BTBD6: variants seen among roughly 807,000 people sequenced by gnomAD.
BTBD6 encodes the protein BTB domain containing 6, also known as BTB/POZ domain-containing protein 6.
Under a neutral mutation model 40.6 loss-of-function variants are expected in BTBD6, and 30 were observed. The observed-to-expected ratio is 0.74, with a 90% CI of 0.55 to 1.00. The LOEUF is 1.00. Ranked by LOEUF, BTBD6 falls within the 50% of genes least tolerant of loss-of-function variation. The pLI is 0.00. For missense variants in BTBD6, 698 were observed against 694.6 expected (o/e 1.00, Z -0.06); for synonymous variants, 378 against 308.7 (o/e 1.22, Z -2.35).
At position 105,250,734 on chromosome 14, in the gene BTBD6, GCTT is replaced by G. The variant is rs2055557487; in HGVS notation, c.*66_*68del. On this transcript the variant is annotated 3_prime_UTR_variant, in exon 4 of 4. Coordinates refer to ENST00000392554, the MANE Select transcript of BTBD6 (RefSeq NM_001387567.1). ...TGGAGGGGAAGTCAAGATGCTAACT[GCTT>G]CTTGACACCATGAAAGGCTGCTCTT... 6.7e-7 allele frequency: 1 copy of G among 1,488,930 alleles called. No homozygotes were observed. Among genetic ancestry groups the G allele is most frequent in the Non-Finnish European group, 9.1e-7 (1 of 1,094,868 alleles). 92.2% of individuals were successfully genotyped at this position (1,488,930 alleles called of 1,614,324 possible).
At position 105,250,477 on chromosome 14, in the gene BTBD6, G is replaced by A. The variant is rs146594425; in HGVS notation, c.1422G>A (p.Pro474=). 76 of 1,613,828 alleles carry A rather than the reference G, an allele frequency of 4.7e-5. No homozygotes were observed. Among genetic ancestry groups the A allele is most frequent in the Middle Eastern group, 3.3e-4 (2 of 6,084 alleles). ...SNTFPVWFEH[P]VQVEQDTFYT... ...CCTTCCCGGTCTGGTTTGAACACCC[G>A]GTCCAGGTTGAACAAGACACCTTCT... The change falls in exon 4 of 4, where the codon CCG becomes CCA. Residue 474 remains proline (P), a synonymous_variant. Transcript: ENST00000392554.
In BTBD6 at chr14:105,249,417, G is replaced by T; in HGVS notation, c.523G>T (p.Glu175Ter). 6.2e-7 allele frequency: 1 copy of T among 1,611,830 alleles called. No homozygotes were observed. The highest frequency in any genetic ancestry group is 8.5e-7 in the Non-Finnish European group (1 of 1,178,954). Residue 175 changes from glutamate (E) to a stop codon, truncating the protein, a stop_gained, in exon 3 of 4, where the codon GAA (glutamate) becomes TAA (stop). Transcript: ENST00000392554. LOFTEE classifies it high-confidence loss of function. Reference sequence around the variant, plus strand: ...TGCCATGTTCTACGGAGACCTGGCGGAAGTCAAATCTGAAATTCACATTCC... The same window carrying T: ...TGCCATGTTCTACGGAGACCTGGCGTAAGTCAAATCTGAAATTCACATTCC... Reference protein sequence around the residue: ...FYAMFYGDLAEVKSEIHIPDV... With the variant: ...FYAMFYGDLA
At position 105,249,055 on chromosome 14, in the gene BTBD6, G is replaced by T. The variant is rs953005386; in HGVS notation, c.344G>T (p.Trp115Leu). 3.1e-6 allele frequency: 4 copies of T among 1,295,550 alleles called. No individual in the cohort carries two copies. The highest frequency in any genetic ancestry group is 3.9e-6 in the Non-Finnish European group (4 of 1,031,226). 80.3% of individuals were successfully genotyped at this position (1,295,550 alleles called of 1,614,324 possible). The part of the protein sequence containing the change: ...LGNNHQESPG[W>L]RCCRPTLRER... ...AACAACCACCAGGAGAGCCCCGGCT[G>T]GCGGTGCTGCCGCCCCACGCTGCGC... is the stretch of plus-strand genomic sequence containing the variant. The change falls in exon 1 of 4, where the codon TGG becomes TTG. Residue 115 changes from tryptophan (W) to leucine (L), a missense_variant. Coordinates refer to ENST00000392554, the MANE Select transcript of BTBD6 (RefSeq NM_001387567.1).
chr14:105,248,638 C>T lies in BTBD6; in HGVS notation c.-74C>T, dbSNP rs1595378518. The T allele has an allele frequency of 5.1e-6, 5 of 979,132 alleles. No individual in the cohort carries two copies. Among genetic ancestry groups the T allele is most frequent in the Non-Finnish European group, 6.0e-6 (5 of 827,380 alleles). The allele number at this position is 979,132 out of a possible 1,614,324, so 60.7% of individuals were successfully genotyped here. A position where few individuals can be genotyped will look rare whatever the true frequency, so the allele number is the denominator to read the frequency against. ...TGGCCGGGCTGCGCTAGGCTGGGCT[C>T]GGGCAGGGTCGCAGGGGCGGGGGTG... is the stretch of plus-strand genomic sequence containing the variant. On this transcript the variant is annotated 5_prime_UTR_variant, in exon 1 of 4. Coordinates refer to ENST00000392554, the MANE Select transcript of BTBD6 (RefSeq NM_001387567.1).
chr14:105,248,873 G>A lies in BTBD6; in HGVS notation c.162G>A (p.Met54Ile). The A allele has an allele frequency of 1.0e-6, 1 of 989,388 alleles. No homozygotes were observed. Among genetic ancestry groups the A allele is most frequent in the Non-Finnish European group, 1.2e-6 (1 of 833,978 alleles). The allele number at this position is 989,388 out of a possible 1,614,324, so 61.3% of individuals were successfully genotyped here. Reference protein sequence around the residue: ...EAAPAAPPAKMAAELYAPASA... With the variant: ...EAAPAAPPAKIAAELYAPASA... ...CCCCCGCCGCCCCGCCCGCGAAGAT[G>A]GCGGCGGAACTCTACGCTCCCGCCA... is the stretch of plus-strand genomic sequence containing the variant. Residue 54 changes from methionine (M) to isoleucine (I), a missense_variant, in exon 1 of 4, where the codon ATG becomes ATA. Met to Ile is a conservative substitution (Grantham distance 10). Transcript: ENST00000392554.
rs772789271 is a variant in BTBD6 at position 105,250,480 on chromosome 14, C to T, written c.1425C>T (p.Val475=). ...NTFPVWFEHP[V]QVEQDTFYTA... ...TCCCGGTCTGGTTTGAACACCCGGT[C>T]CAGGTTGAACAAGACACCTTCTACA... The change falls in exon 4 of 4, where the codon GTC becomes GTT. Residue 475 remains valine (V), a synonymous_variant. Transcript: ENST00000392554. The T allele has an allele frequency of 1.2e-6, 2 of 1,613,984 alleles. No individual in the cohort carries two copies. The highest frequency in any genetic ancestry group is 1.1e-5 in the South Asian group (1 of 91,068).
Position 105,249,912 on chromosome 14 carries a change from A to G in BTBD6, c.857A>G (p.Glu286Gly). The G allele has an allele frequency of 6.2e-7, 1 of 1,611,402 alleles. No individual in the cohort carries two copies. Among genetic ancestry groups the G allele is most frequent in the Non-Finnish European group, 8.5e-7 (1 of 1,180,010 alleles). ...GFCEIDRQTL[E>G]IIVTREALNT... ...TGTGAGATAGACCGGCAGACGCTGG[A>G]GATCATTGTCACTCGGGAGGCCCTC... is the stretch of plus-strand genomic sequence containing the variant. The change falls in exon 4 of 4, where the codon GAG becomes GGG. Residue 286 changes from glutamate (E) to glycine (G), a missense_variant. Coordinates refer to ENST00000392554, the MANE Select transcript of BTBD6 (RefSeq NM_001387567.1).
At position 105,249,420 on chromosome 14, in the gene BTBD6, G is replaced by A; in HGVS notation, c.526G>A (p.Val176Ile). Residue 176 changes from valine to isoleucine, a missense_variant, in exon 3 of 4, where the codon GTC (valine) becomes ATC (isoleucine). Val to Ile is a conservative substitution (Grantham distance 29). Transcript: ENST00000392554. ...CATGTTCTACGGAGACCTGGCGGAA[G>A]TCAAATCTGAAATTCACATTCCAGA... ...YAMFYGDLAE[V>I]KSEIHIPDVE... is the part of the protein sequence containing the mutation. 3 of 1,613,412 alleles carry A rather than the reference G, an allele frequency of 1.9e-6. No homozygotes were observed. Among genetic ancestry groups the A allele is most frequent in the South Asian group, 1.1e-5 (1 of 91,062 alleles).
In BTBD6 at chr14:105,250,804, T is replaced by C. The variant is rs1468063568; in HGVS notation, c.*132T>C. The C allele has an allele frequency of 1.0e-5, 10 of 986,252 alleles. No individual in the cohort carries two copies. In the African/African-American group the frequency reaches 1.5e-4, roughly 15 times the overall value. The allele number at this position is 986,252 out of a possible 1,614,324, so 61.1% of individuals were successfully genotyped here. Reference sequence around the variant, plus strand: ...GACATGTAGTCAGCTGAAGCTTGACTGTGTAGAGACATTTTCCACACAGCC... The same window carrying C: ...GACATGTAGTCAGCTGAAGCTTGACCGTGTAGAGACATTTTCCACACAGCC... On this transcript the variant is annotated 3_prime_UTR_variant, in exon 4 of 4. Coordinates refer to ENST00000392554, the MANE Select transcript of BTBD6 (RefSeq NM_001387567.1).
chr14:105,249,873 G>T lies in BTBD6; in HGVS notation c.818G>T (p.Arg273Leu). ...GACGCACAGGCCGAGATGGCCCTAC[G>T]GTCCGAAGGCTTCTGTGAGATAGAC... is the stretch of plus-strand genomic sequence containing the variant. Reference protein sequence around the residue: ...VIDAQAEMALRSEGFCEIDRQ... With the variant: ...VIDAQAEMALLSEGFCEIDRQ... The change falls in exon 4 of 4, where the codon CGG becomes CTG. Residue 273 changes from arginine to leucine, a missense_variant. Arg to Leu is a moderately radical substitution (Grantham distance 102). Transcript: ENST00000392554. The T allele has an allele frequency of 1.2e-6, 2 of 1,612,154 alleles. No homozygotes were observed. Among genetic ancestry groups the T allele is most frequent in the East Asian group, 2.2e-5 (1 of 44,884 alleles).
chr14:105,250,452 C>G lies in BTBD6; in HGVS notation c.1397C>G (p.Thr466Ser). ...TKFMSDGSSNTFPVWFEHPVQ... is the reference protein window; with the variant it reads ...TKFMSDGSSNSFPVWFEHPVQ... ...TTCATGTCAGACGGATCCAGTAACA[C>G]CTTCCCGGTCTGGTTTGAACACCCG... The change falls in exon 4 of 4, where the codon ACC (threonine) becomes AGC (serine). Residue 466 changes from threonine to serine, a missense_variant. Transcript: ENST00000392554. 6.8e-6 allele frequency: 11 copies of G among 1,614,036 alleles called. No homozygotes were observed. Among genetic ancestry groups the G allele is most frequent in the Non-Finnish European group, 9.3e-6 (11 of 1,180,044 alleles).
intron 3 of BTBD6, 47 bp downstream of exon 3, chr14:105,249,525 G>A (rs774825295): frequency 5.0e-6 from 8 of 1,604,396 alleles, no homozygotes; most frequent in African/African-American, 1.3e-5. Flanking sequence ...GTTTTAGGCG[G>A]CCTCCGGAGG....
chr14:105,249,833 T>G lies in BTBD6; in HGVS notation c.778T>G (p.Cys260Gly). 1 of 1,613,470 alleles carries G rather than the reference T, an allele frequency of 6.2e-7. No homozygotes were observed. Residue 260 changes from cysteine (C) to glycine (G), a missense_variant, in exon 4 of 4, where the codon TGC (cysteine) becomes GGC (glycine). Physicochemically the swap from Cys to Gly is radical, Grantham distance 159. Transcript: ENST00000392554. ...LFEEPELTQRCWEVIDAQAEM... is the reference protein window; with the variant it reads ...LFEEPELTQRGWEVIDAQAEM... ...TGAGGAGCCCGAGCTGACGCAGCGC[T>G]GCTGGGAGGTCATTGACGCACAGGC...
Position 105,250,879 on chromosome 14 carries a change from G to C in BTBD6, c.*207G>C, listed in dbSNP as rs77631464. The stretch of plus-strand genomic sequence containing the variant: ...GCATCTCTGGTACAGTGGGGTGCAC[G>C]TCTCAGGTGGAGGAAGATTTACGGC... On this transcript the variant is annotated 3_prime_UTR_variant, in exon 4 of 4. Coordinates refer to ENST00000392554, the MANE Select transcript of BTBD6 (RefSeq NM_001387567.1). 2 of 604,108 alleles carry C rather than the reference G, an allele frequency of 3.3e-6. No homozygotes were observed. Among genetic ancestry groups the C allele is most frequent in the South Asian group, 4.3e-5 (2 of 46,296 alleles). 37.4% of individuals were successfully genotyped at this position (604,108 alleles called of 1,614,324 possible).
Position 105,248,711 on chromosome 14 carries a change from C to T in BTBD6, c.-1C>T, listed in dbSNP as rs920843323. On this transcript the variant is annotated 5_prime_UTR_variant, in exon 1 of 4. Transcript: ENST00000392554. ...CGCGGGTCACAGCGCCGCCGCCGCCCATGCTGCTGCCCCTAGCCTGCCTGC... is the reference window on the plus strand; with the variant it reads ...CGCGGGTCACAGCGCCGCCGCCGCCTATGCTGCTGCCCCTAGCCTGCCTGC... 41 of 982,422 alleles carry T rather than the reference C, an allele frequency of 4.2e-5. No homozygotes were observed. The African/African-American group carries it at 6.5e-4, about 16-fold the overall frequency. The allele number at this position is 982,422 out of a possible 1,614,324, so 60.9% of individuals were successfully genotyped here.
In BTBD6 at chr14:105,250,879, G is replaced by T; in HGVS notation, c.*207G>T. The T allele has an allele frequency of 1.7e-6, 1 of 604,108 alleles. No homozygotes were observed. 37.4% of individuals were successfully genotyped at this position (604,108 alleles called of 1,614,324 possible). On this transcript the variant is annotated 3_prime_UTR_variant, in exon 4 of 4. Coordinates refer to ENST00000392554, the MANE Select transcript of BTBD6 (RefSeq NM_001387567.1). ...GCATCTCTGGTACAGTGGGGTGCAC[G>T]TCTCAGGTGGAGGAAGATTTACGGC...
At position 105,248,731 on chromosome 14, in the gene BTBD6, G is replaced by A. The variant is rs1318537834; in HGVS notation, c.20G>A (p.Cys7Tyr). 2.0e-6 allele frequency: 2 copies of A among 981,704 alleles called. No homozygotes were observed. The highest frequency in any genetic ancestry group is 2.4e-6 in the Non-Finnish European group (2 of 829,096). The allele number at this position is 981,704 out of a possible 1,614,324, so 60.8% of individuals were successfully genotyped here. ...CCGCCCATGCTGCTGCCCCTAGCCT[G>A]CCTGCACGGCCGCGTCGCTCAGTGC... MLLPLA[C>Y]LHGRVAQCLT... The change falls in exon 1 of 4, where the codon TGC (cysteine) becomes TAC (tyrosine). Residue 7 changes from cysteine (C) to tyrosine (Y), a missense_variant. Transcript: ENST00000392554.
In BTBD6 at chr14:105,248,669, G is replaced by A. The variant is rs2055333961; in HGVS notation, c.-43G>A. The A allele has an allele frequency of 1.0e-6, 1 of 981,374 alleles. No individual in the cohort carries two copies. Among genetic ancestry groups the A allele is most frequent in the African/African-American group, 1.8e-5 (1 of 56,772 alleles). 60.8% of individuals were successfully genotyped at this position (981,374 alleles called of 1,614,324 possible). ...GGGTCGCAGGGGCGGGGGTGGCAGGGGAGCGGGTGGCAGCCCCGCGGGTCA... is the reference window on the plus strand; with the variant it reads ...GGGTCGCAGGGGCGGGGGTGGCAGGAGAGCGGGTGGCAGCCCCGCGGGTCA... On this transcript the variant is annotated 5_prime_UTR_variant, in exon 1 of 4. Coordinates refer to ENST00000392554, the MANE Select transcript of BTBD6 (RefSeq NM_001387567.1).
In BTBD6 at chr14:105,248,769, C is replaced by A. The variant is rs2055343375; in HGVS notation, c.58C>A (p.Leu20Ile). The change falls in exon 1 of 4, where the codon CTT becomes ATT. Residue 20 changes from leucine (L) to isoleucine (I), a missense_variant. Coordinates refer to ENST00000392554, the MANE Select transcript of BTBD6 (RefSeq NM_001387567.1). ...CGTCGCTCAGTGCCTGACCTCCTTGCTTTTGCTTGCAGAGCCGCTCCCGAG... is the reference window on the plus strand; with the variant it reads ...CGTCGCTCAGTGCCTGACCTCCTTGATTTTGCTTGCAGAGCCGCTCCCGAG... ...GRVAQCLTSLLLLAEPLPRPR... is the reference protein window; with the variant it reads ...GRVAQCLTSLILLAEPLPRPR... 2.0e-6 allele frequency: 2 copies of A among 981,478 alleles called. No homozygotes were observed. The highest frequency in any genetic ancestry group is 6.3e-5 in the Admixed American group (1 of 15,858). 60.8% of individuals were successfully genotyped at this position (981,478 alleles called of 1,614,324 possible). A position where few individuals can be genotyped will look rare whatever the true frequency, so the allele number is the denominator to read the frequency against.
Sources: allele counts gnomAD v4.1 joint callset, GRCh38; gene constraint gnomAD v4.1.1; transcripts MANE v1.5; gene names NCBI Gene and HGNC (gene_info 2026-07-23, HGNC 2026-07-21).